Variants in SLC1A2 observed in about 807,000 individuals in gnomAD.
SLC1A2 encodes the protein excitatory amino acid transporter 2.
A neutral mutation model predicts 48.8 loss-of-function variants in SLC1A2; 15 were observed. That is an observed-to-expected ratio of 0.31 (90% CI 0.21 to 0.47). The LOEUF (loss-of-function observed/expected upper bound fraction) is 0.47, where lower values mean the gene tolerates loss of function less well. Among genes scored for constraint, SLC1A2 ranks in the 20% least tolerant of loss-of-function variants. SLC1A2 has a pLI of 0.99. For missense variants in SLC1A2, 502 were observed against 730.5 expected (o/e 0.69, Z 3.61); for synonymous variants, 279 against 272.6 (o/e 1.02, Z -0.23).
At chr11:35,274,539 G>C (rs773557052) in intron 9 of SLC1A2, among the ~76,000 whole-genome samples, 22 of 152,194 alleles carry the variant, frequency 1.4e-4, no homozygotes, top group Non-Finnish European at 2.9e-4. Flanking sequence ...CCAGCCATGA[G>C]TGGAGGGTCA....
intron 1 of SLC1A2, among the ~76,000 whole-genome samples, chr11:35,418,081 A>G (rs942722332): frequency 4.6e-5 from 7 of 152,188 alleles, no homozygotes; most frequent in Non-Finnish European, 7.3e-5. Flanking sequence ...TACGAAGCCC[A>G]AAAAGTTTTC....
At chr11:35,297,595 TA>T (rs1851213173) in intron 6 of SLC1A2, 1 of 152,040 alleles carries the variant, frequency 6.6e-6, no homozygotes, top group Admixed American at 6.5e-5. Context: ...TATGTTTTTA[TA>T]GGGGTGAGAT....
intron 1 of SLC1A2, among the ~76,000 whole-genome samples, chr11:35,330,492 C>T (rs1046554964): frequency 6.6e-6 from 1 of 152,104 alleles, no homozygotes; most frequent in East Asian, 1.9e-4. Context: ...GAGTAATGCC[C>T]CAACAAATGT....
intron 1 of SLC1A2, among the ~76,000 whole-genome samples, chr11:35,326,494 C>A (rs779644100): frequency 3.3e-5 from 5 of 152,196 alleles, no homozygotes; most frequent in African/African-American, 4.8e-5. Context: ...CGCCTTCAGG[C>A]ACTAGGCAGA....
At position 35,328,989 on chromosome 11, in the gene SLC1A2, T is replaced by G. The variant is rs529639821; in HGVS notation, c.18-11473A>C. Among the ~76,000 whole-genome samples, 15 of 152,296 alleles carry G rather than the reference T, an allele frequency of 9.8e-5. No homozygotes were observed. In the South Asian group the frequency reaches 2.7e-3, roughly 27 times the overall value. ...AGCTTTATTTATAATTCCCAAAACT[T>G]GGAAGCAACCTAGACATCCTTCAGT... is the stretch of plus-strand genomic sequence containing the variant. On this transcript the variant is annotated intron_variant, in intron 1 of 10. Coordinates refer to ENST00000278379, the MANE Select transcript of SLC1A2 (RefSeq NM_004171.4).
At chr11:35,290,671 C>A (rs1355531710) in intron 7 of SLC1A2, among the ~76,000 whole-genome samples, 1 of 146,494 alleles carries the variant, frequency 6.8e-6, no homozygotes, top group African/African-American at 2.5e-5. Flanking sequence ...TATGAGATAC[C>A]AGGCTTATAA....
chr11:35,315,480 C>T (rs1048889940), intron 2 of SLC1A2: 3 of 260,140 alleles, frequency 1.2e-5, no homozygotes, highest in Non-Finnish European at 2.3e-5. Flanking sequence ...CTACTTGGAG[C>T]CAGAAATTGT....
In SLC1A2 at chr11:35,356,365, C is replaced by T. The variant is rs114589213; in HGVS notation, c.18-38849G>A. 7.0e-3 allele frequency among the ~76,000 whole-genome samples: 1,064 copies of T among 152,218 alleles called. 11 individuals are homozygous for T. Among genetic ancestry groups the T allele is most frequent in the African/African-American group, 0.024 (1,005 of 41,526 alleles). On this transcript the variant is annotated intron_variant, in intron 1 of 10. Transcript: ENST00000278379. ...AAGATCCTTGACCTCATTGGTGTCCCGAGATAGTAGAAAGGCTTAGTCAAA... is the reference window on the plus strand; with the variant it reads ...AAGATCCTTGACCTCATTGGTGTCCTGAGATAGTAGAAAGGCTTAGTCAAA...
intron 6 of SLC1A2, chr11:35,298,469 A>C (rs1851238971): frequency 6.6e-6 from 1 of 152,192 alleles, no homozygotes. Context: ...AGAGTAGTTG[A>C]CTGTTTTATC....
rs190602829 is a variant in SLC1A2, at chr11:35,414,403, C to T, written c.17+4547G>A. Among the ~76,000 whole-genome samples, 16 of 152,202 alleles carry T rather than the reference C, an allele frequency of 1.1e-4. No homozygotes were observed. In the East Asian group the frequency reaches 2.7e-3, roughly 26 times the overall value. ...AGATGCTAGTCCTTTTCTATTCTAC[C>T]GACAAATATGTGGCCCATCTGCCTC... On this transcript the variant is annotated intron_variant, in intron 1 of 10. Coordinates refer to ENST00000278379, the MANE Select transcript of SLC1A2 (RefSeq NM_004171.4).
chr11:35,418,909 T>C (rs780848393), intron 1 of SLC1A2, 41 bp downstream of exon 1: 1 of 1,543,476 alleles, frequency 6.5e-7, no homozygotes, highest in South Asian at 1.2e-5. Context: ...ACCCCGCGCG[T>C]GACCCCGCTT....
chr11:35,265,427 GA>G (rs1191017571), intron 10 of SLC1A2, 99 bp downstream of exon 10: 1 of 683,494 alleles, frequency 1.5e-6, no homozygotes, highest in African/African-American at 1.8e-5. Flanking sequence ...AAATAAATGT[GA>G]CAATAATACA....
chr11:35,324,467 A>G (rs560489172), intron 1 of SLC1A2, among the ~76,000 whole-genome samples: 26 of 152,342 alleles, frequency 1.7e-4, no homozygotes, highest in African/African-American at 6.0e-4. Flanking sequence ...CAGTGAGATG[A>G]TATCTATGAA....
At chr11:35,284,112 A>ATATATATATATATAT (rs1355573961) in intron 8 of SLC1A2, among the ~76,000 whole-genome samples, 16 of 91,374 alleles carry the variant, frequency 1.8e-4, no homozygotes, top group Non-Finnish European at 2.8e-4. Context: ...TATATATATA[A>ATATATATATATATAT]ATTATTATTT....
chr11:35,333,521 C>T (rs1390273662), intron 1 of SLC1A2, among the ~76,000 whole-genome samples: 1 of 151,968 alleles, frequency 6.6e-6, no homozygotes, highest in African/African-American at 2.4e-5. Flanking sequence ...AATTTATTCA[C>T]CTTAAGATAA....
chr11:35,350,731 A>T (rs984918214), intron 1 of SLC1A2, among the ~76,000 whole-genome samples: 2 of 152,218 alleles, frequency 1.3e-5, no homozygotes, highest in African/African-American at 2.4e-5. Context: ...AAATACTTAT[A>T]GCTGCAGCTG....
chr11:35,266,985 A>T (rs1950495462), intron 9 of SLC1A2, among the ~76,000 whole-genome samples: 1 of 152,212 alleles, frequency 6.6e-6, no homozygotes, highest in Admixed American at 6.5e-5. Context: ...TCTAATTTCA[A>T]CTAAGAAGAA....
intron 9 of SLC1A2, among the ~76,000 whole-genome samples, chr11:35,268,426 C>T (rs529299075): frequency 6.6e-6 from 1 of 152,172 alleles, no homozygotes; most frequent in South Asian, 2.1e-4. Context: ...CCTGTAATCG[C>T]AGCACTTTGG....
At chr11:35,420,013 C>T (rs905387592), upstream of SLC1A2, 1 of 451,480 alleles carries the variant, frequency 2.2e-6, no homozygotes, top group Non-Finnish European at 4.6e-6. Flanking sequence ...AGCCTAAACG[C>T]GGCCCAGCTG....
Sources: gnomAD v4.1 joint callset for allele counts (sites outside exome capture counted in the v4.1 genomes callset) on GRCh38, gnomAD v4.1.1 for gene constraint, MANE v1.5 for transcripts, NCBI Gene and HGNC (gene_info 2026-07-23, HGNC 2026-07-21) for gene names.